The following OGFOD3 variants were observed in gnomAD, a reference collection of about 807,000 sequenced individuals.
The protein encoded by OGFOD3 is 2-oxoglutarate and iron dependent oxygenase domain containing 3.
OGFOD3 carries 35 observed loss-of-function variants against 39.8 expected under a neutral mutation model. The observed-to-expected ratio is 0.88, with a 90% CI of 0.67 to 1.17. The LOEUF is 1.17. OGFOD3 is among the 50% of genes most tolerant of loss of function. The probability of loss-of-function intolerance (pLI) is 0.00; values close to 1 mark genes in which losing one functional copy is unlikely to be tolerated. For synonymous variants in OGFOD3, 200 were observed against 192.0 expected, an observed-to-expected ratio of 1.04 and a Z score of -0.34; for missense variants, 438 against 454.5, an observed-to-expected ratio of 0.96 and a Z score of 0.33.
At position 82,392,800 on chromosome 17, in the gene OGFOD3, T is replaced by C. The variant is rs1170491302; in HGVS notation, c.824-266A>G. 1.0e-5 allele frequency: 5 copies of C among 479,480 alleles called. No homozygotes were observed. The highest frequency in any genetic ancestry group is 1.9e-5 in the Non-Finnish European group (5 of 270,172). 29.7% of individuals were successfully genotyped at this position (479,480 alleles called of 1,614,324 possible). On this transcript the variant is annotated intron_variant, in intron 8 of 8. Transcript: ENST00000313056. This position sits in a 1 kb window ranked among gnomAD's most constrained non-coding sequence, Gnocchi z 4.2. ...TGGTGGGCAGGACAGAGGAAGATGC[T>C]GCAGATGAGGCCACCACTGGCTCCA...
chr17:82,391,286 A>C lies in OGFOD3; in HGVS notation c.*1112T>G, dbSNP rs564248925. 7.9e-5 allele frequency: 12 copies of C among 152,716 alleles called. No individual in the cohort carries two copies. In the East Asian group the frequency reaches 2.1e-3, roughly 27 times the overall value. The allele number at this position is 152,716 out of a possible 1,614,324, so 9.5% of individuals were successfully genotyped here. On this transcript the variant is annotated 3_prime_UTR_variant, in exon 9 of 9. Coordinates refer to ENST00000313056, the MANE Select transcript of OGFOD3 (RefSeq NM_024648.3). The surrounding 1 kb of genome is among the most constrained non-coding windows in gnomAD (Gnocchi z 5.1). Reference sequence around the variant, plus strand: ...CTGGGCTTGGCCTGCCCTCCCTGCCAGCCACCCCACCCAGGCCTCTCCACA... The same window carrying C: ...CTGGGCTTGGCCTGCCCTCCCTGCCCGCCACCCCACCCAGGCCTCTCCACA...
intron 1 of OGFOD3, 185 bp downstream of exon 1, chr17:82,418,227 C>G (rs1364733119): frequency 4.6e-6 from 2 of 438,430 alleles, no homozygotes; most frequent in Non-Finnish European, 7.9e-6. Flanking sequence ...GGCTCCCGCC[C>G]GCACCTGCCC....
intron 4 of OGFOD3, among the ~76,000 whole-genome samples, chr17:82,408,276 C>A (rs1005731659): frequency 6.6e-6 from 1 of 152,200 alleles, no homozygotes; most frequent in Admixed American, 6.5e-5. Context: ...CTAGAAGTTT[C>A]AAATATGCAG....
chr17:82,399,503 T>G (rs1490292216), intron 7 of OGFOD3, among the ~76,000 whole-genome samples: 1 of 152,238 alleles, frequency 6.6e-6, no homozygotes, highest in African/African-American at 2.4e-5. Context: ...GTCTTCACTG[T>G]TTTTAAGCAC....
At chr17:82,410,666 C>G (rs1313122993) in intron 3 of OGFOD3, among the ~76,000 whole-genome samples, 2 of 151,686 alleles carry the variant, frequency 1.3e-5, no homozygotes, top group Non-Finnish European at 2.9e-5. Flanking sequence ...GTCTCCTCTC[C>G]TGAAATCGGA....
At position 82,392,182 on chromosome 17, in the gene OGFOD3, A is replaced by T; in HGVS notation, c.*216T>A. 1.6e-6 allele frequency: 1 copy of T among 612,626 alleles called. No individual in the cohort carries two copies. The allele number at this position is 612,626 out of a possible 1,614,324, so 37.9% of individuals were successfully genotyped here. ...TTCCTGGCCTCCACCTCAGGCTCCC[A>T]GGCCTACAGCCCAAGCACACATGAT... On this transcript the variant is annotated 3_prime_UTR_variant, in exon 9 of 9. Coordinates refer to ENST00000313056, the MANE Select transcript of OGFOD3 (RefSeq NM_024648.3). The surrounding 1 kb of genome is among the most constrained non-coding windows in gnomAD (Gnocchi z 4.2).
In OGFOD3 at chr17:82,392,495, T is replaced by C; in HGVS notation, c.863A>G (p.His288Arg). 1 of 1,605,228 alleles carries C rather than the reference T, an allele frequency of 6.2e-7. No individual in the cohort carries two copies. The highest frequency in any genetic ancestry group is 8.5e-7 in the Non-Finnish European group (1 of 1,176,466). Residue 288 changes from histidine (H) to arginine (R), a missense_variant, in exon 9 of 9, where the codon CAC becomes CGC. Transcript: ENST00000313056. The surrounding 1 kb of genome is among the most constrained non-coding windows in gnomAD (Gnocchi z 4.2). ...GCCCCAGTGGACCTTCTCCACGCGGTGTAGGTTCTCGGACCCCGAGGTGAA... is the reference window on the plus strand; with the variant it reads ...GCCCCAGTGGACCTTCTCCACGCGGCGTAGGTTCTCGGACCCCGAGGTGAA... ...SFFTSGSENL[H>R]RVEKVHWGTR...
In OGFOD3 at chr17:82,415,684, C is replaced by T; in HGVS notation, c.75-57G>A. The stretch of plus-strand genomic sequence containing the variant: ...ACACGGAGTGAGGCCAGAGAAAACG[C>T]TCCCCGATCATCAAAGTGCATGCAC... On this transcript the variant is annotated intron_variant, in intron 1 of 8. Coordinates refer to ENST00000313056, the MANE Select transcript of OGFOD3 (RefSeq NM_024648.3). This position sits in a 1 kb window ranked among gnomAD's most constrained non-coding sequence, Gnocchi z 5.3. 8 of 1,450,956 alleles carry T rather than the reference C, an allele frequency of 5.5e-6. No individual in the cohort carries two copies. The highest frequency in any genetic ancestry group is 1.2e-5 in the South Asian group (1 of 80,024). The allele number at this position is 1,450,956 out of a possible 1,614,324, so 89.9% of individuals were successfully genotyped here.
At chr17:82,408,649 C>T (rs1250703813) in intron 4 of OGFOD3, among the ~76,000 whole-genome samples, 2 of 152,282 alleles carry the variant, frequency 1.3e-5, no homozygotes, top group East Asian at 1.9e-4. Context: ...CTTCCATGGC[C>T]GCACTGCTCC....
rs9905077 is a variant in OGFOD3 at position 82,398,143 on chromosome 17, C to A, written c.823+53G>T. The A allele has an allele frequency of 2.7e-5, 43 of 1,609,482 alleles. No individual in the cohort carries two copies. In the South Asian group the frequency reaches 3.6e-4, roughly 14 times the overall value. Reference sequence around the variant, plus strand: ...CCAGGGACACGCCCCCCACACCCACCGTGCTTGCCTGAGCCAGGAGCCCCA... The same window carrying A: ...CCAGGGACACGCCCCCCACACCCACAGTGCTTGCCTGAGCCAGGAGCCCCA... On this transcript the variant is annotated intron_variant, in intron 8 of 8. Transcript: ENST00000313056.
chr17:82,401,819 A>AAAAAAAAAAAAAAAAC (rs2052770824), intron 7 of OGFOD3, among the ~76,000 whole-genome samples: 7 of 150,082 alleles, frequency 4.7e-5, no homozygotes, highest in African/African-American at 1.5e-4. Flanking sequence ...AAAAAAAAAA[A>AAAAAAAAAAAAAAAAC]AAAACAAAGA....
rs940629438 is a variant in OGFOD3, at chr17:82,406,944, G to A, written c.424-462C>T. On this transcript the variant is annotated intron_variant, in intron 4 of 8. Transcript: ENST00000313056. The surrounding 1 kb of genome is among the most constrained non-coding windows in gnomAD (Gnocchi z 5.2). ...TAAAATCCTCCCAGACCGGCCAGAC[G>A]TGGTGGCTCACACCTGCAATCCCAG... Among the ~76,000 whole-genome samples, 1 of 152,160 alleles carries A rather than the reference G, an allele frequency of 6.6e-6. No individual in the cohort carries two copies. The highest frequency in any genetic ancestry group is 1.5e-5 in the Non-Finnish European group (1 of 68,024).
chr17:82,412,045 G>C (rs2052955396), intron 2 of OGFOD3, among the ~76,000 whole-genome samples: 1 of 65,996 alleles, frequency 1.5e-5, no homozygotes, highest in Non-Finnish European at 3.1e-5. Flanking sequence ...ACCCTCCTGG[G>C]ACCACTGGCG....
chr17:82,404,907 A>AT lies in OGFOD3; in HGVS notation c.545+416dup, dbSNP rs2052830803. 6.6e-6 allele frequency among the ~76,000 whole-genome samples: 1 copy of AT among 151,326 alleles called. No homozygotes were observed. Among genetic ancestry groups the AT allele is most frequent in the Non-Finnish European group, 1.5e-5 (1 of 67,816 alleles). ...AGGCACCCGCCACCGCACCCAACTA[A>AT]TTTTTGTACTTTTAGTAAAGATGGG... On this transcript the variant is annotated intron_variant, in intron 6 of 8. Transcript: ENST00000313056. The surrounding 1 kb of genome is among the most constrained non-coding windows in gnomAD (Gnocchi z 4.5).
intron 2 of OGFOD3, among the ~76,000 whole-genome samples, chr17:82,412,731 A>G (rs183601140): frequency 1.3e-5 from 2 of 152,276 alleles, no homozygotes; most frequent in East Asian, 3.9e-4. Context: ...TTTGGTACCA[A>G]GTGCAGCTGG....
In OGFOD3 at chr17:82,409,336, A is replaced by G. The variant is rs775789220; in HGVS notation, c.423+32T>C. 3 of 1,611,654 alleles carry G rather than the reference A, an allele frequency of 1.9e-6. No individual in the cohort carries two copies. In the East Asian group the frequency reaches 6.7e-5, roughly 36 times the overall value. ...AAGTGAGAGCAAAGTTAACGGGTAA[A>G]AAAAGGGGGGCAGGGACTACATTCA... On this transcript the variant is annotated intron_variant, in intron 4 of 8. Transcript: ENST00000313056.
rs1295859908 is a variant in OGFOD3 at position 82,398,885 on chromosome 17, TCTA to T, written c.700-569_700-567del. ...ACTACAACCAGCTAATTTTTTCTTTTCTATTTTTTTTTTTGTAGAGATGGCATC... is the reference window on the plus strand; with the variant it reads ...ACTACAACCAGCTAATTTTTTCTTTTTTTTTTTTTTTGTAGAGATGGCATC... On this transcript the variant is annotated intron_variant, in intron 7 of 8. Coordinates refer to ENST00000313056, the MANE Select transcript of OGFOD3 (RefSeq NM_024648.3). 3.4e-3 allele frequency among the ~76,000 whole-genome samples: 330 copies of T among 96,720 alleles called. 1 individual carries two copies. The highest frequency in any genetic ancestry group is 0.027 in the Admixed American group (253 of 9,446). The allele number at this position is 96,720 out of a possible 152,430, so 63.5% of individuals were successfully genotyped here. A position where few individuals can be genotyped will look rare whatever the true frequency, so the allele number is the denominator to read the frequency against.
chr17:82,404,157 G>C lies in OGFOD3; in HGVS notation c.546-67C>G. ...AGGGGACGCTCGTGGGTCCCAACCC[G>C]TGGGTGGCAGGAAAGGAACCAGCCT... On this transcript the variant is annotated intron_variant, in intron 6 of 8. Transcript: ENST00000313056. This position sits in a 1 kb window ranked among gnomAD's most constrained non-coding sequence, Gnocchi z 4.5. 2.7e-6 allele frequency: 4 copies of C among 1,465,120 alleles called. No individual in the cohort carries two copies. The South Asian group carries it at 5.6e-5, about 20-fold the overall frequency. The allele number at this position is 1,465,120 out of a possible 1,614,324, so 90.8% of individuals were successfully genotyped here. A position where few individuals can be genotyped will look rare whatever the true frequency, so the allele number is the denominator to read the frequency against.
intron 7 of OGFOD3, among the ~76,000 whole-genome samples, chr17:82,402,185 A>C (rs2052777909): frequency 6.6e-6 from 1 of 152,084 alleles, no homozygotes; most frequent in Non-Finnish European, 1.5e-5. Flanking sequence ...CTGTAATCCC[A>C]GCACTTTGGG....
Sources: gnomAD v4.1 joint callset for allele counts (sites outside exome capture counted in the v4.1 genomes callset) on GRCh38, gnomAD v4.1.1 for gene constraint, Gnocchi (gnomAD v3.1) non-coding constraint, MANE v1.5 for transcripts, NCBI Gene and HGNC (gene_info 2026-07-23, HGNC 2026-07-21) for gene names.